NSD2: variants seen among roughly 807,000 people sequenced by gnomAD.
NSD2 encodes histone-lysine N-methyltransferase NSD2.
Under a neutral mutation model 139.0 loss-of-function variants are expected in NSD2, and 12 were observed. The observed-to-expected ratio is 0.09, with a 90% CI of 0.06 to 0.14. NSD2 has a LOEUF of 0.14. Ranked by LOEUF, NSD2 falls within the 10% of genes least tolerant of loss-of-function variation. NSD2 has a pLI of 1.00. For missense variants in NSD2, 1,155 were observed against 1,745.0 expected (o/e 0.66, Z 6.02); for synonymous variants, 669 against 648.7 (o/e 1.03, Z -0.48).
At chr4:1,971,190 C>T (rs944207155) in intron 18 of NSD2, among the ~76,000 whole-genome samples, 1 of 151,980 alleles carries the variant, frequency 6.6e-6, no homozygotes, top group Non-Finnish European at 1.5e-5. Flanking sequence ...GAGACCCTGT[C>T]TCAATTAAAA....
intron 9 of NSD2, chr4:1,945,968 C>T: frequency 9.5e-7 from 1 of 1,050,862 alleles, no homozygotes; most frequent in Non-Finnish European, 1.1e-6. Context: ...CTTCCTCTGG[C>T]CAGGTAGACT....
At position 1,972,531 on chromosome 4, in the gene NSD2, C is replaced by G. The variant is rs148228020; in HGVS notation, c.3373-2332C>G. Among the ~76,000 whole-genome samples the G allele has an allele frequency of 6.6e-6, 1 of 152,216 alleles. No homozygotes were observed. The highest frequency in any genetic ancestry group is 2.1e-4 in the South Asian group (1 of 4,836). ...TGTTCCCCATGGCATTCCTGTGACT[C>G]CAGCGGGGCCCAAACCCAGGCGGAT... is the stretch of plus-strand genomic sequence containing the variant. On this transcript the variant is annotated intron_variant, in intron 18 of 21. Transcript: ENST00000508803. The surrounding 1 kb of genome is among the most constrained non-coding windows in gnomAD (Gnocchi z 4.0).
At chr4:1,941,260 G>A in intron 9 of NSD2, 3 of 1,057,092 alleles carry the variant, frequency 2.8e-6, no homozygotes, top group East Asian at 5.3e-5. Context: ...GCTTTAAAGA[G>A]CTTTTAATGA....
chr4:1,931,724 A>G (rs1050587764), intron 6 of NSD2, among the ~76,000 whole-genome samples: 11 of 152,166 alleles, frequency 7.2e-5, no homozygotes, highest in Admixed American at 6.5e-4. Flanking sequence ...TTCATCAGCT[A>G]TCTCATTAAT....
rs1352253904 is a variant in NSD2 at position 1,958,420 on chromosome 4, C to G, written c.2985+384C>G. 6.6e-6 allele frequency among the ~76,000 whole-genome samples: 1 copy of G among 152,214 alleles called. No homozygotes were observed. The highest frequency in any genetic ancestry group is 1.5e-5 in the Non-Finnish European group (1 of 68,030). ...GAGCCCCAAACACGTAGATCCTGTA[C>G]CTCAGAGAGCAAGATGGCGGGGCGG... On this transcript the variant is annotated intron_variant, in intron 16 of 21. Transcript: ENST00000508803. This position sits in a 1 kb window ranked among gnomAD's most constrained non-coding sequence, Gnocchi z 4.6.
intron 1 of NSD2, among the ~76,000 whole-genome samples, chr4:1,890,234 G>C (rs1419582399): frequency 1.3e-5 from 2 of 152,056 alleles, no homozygotes; most frequent in Non-Finnish European, 2.9e-5. Flanking sequence ...CAGTTGGGTT[G>C]CTTTTTGCTA....
In NSD2 at chr4:1,955,488, C is replaced by A. The variant is rs1289558211; in HGVS notation, c.2518+148C>A. The A allele has an allele frequency of 1.6e-6, 2 of 1,247,662 alleles. No homozygotes were observed. The allele number at this position is 1,247,662 out of a possible 1,614,324, so 77.3% of individuals were successfully genotyped here. ...ACGTTAATAGTATATCACAGTAGCT[C>A]TAAATTAATTGTAATCATTTCGCAA... On this transcript the variant is annotated intron_variant, in intron 13 of 21. Coordinates refer to ENST00000508803, the MANE Select transcript of NSD2 (RefSeq NM_001042424.3). This position sits in a 1 kb window ranked among gnomAD's most constrained non-coding sequence, Gnocchi z 4.7.
At chr4:1,922,165 T>C (rs997846846) in intron 5 of NSD2, among the ~76,000 whole-genome samples, 2 of 152,186 alleles carry the variant, frequency 1.3e-5, no homozygotes, top group African/African-American at 2.4e-5. Context: ...TACTAGCCAG[T>C]ATTATAAAGG....
rs892252105 is a variant in NSD2, at chr4:1,956,496, T to C, written c.2881+308T>C. 6.6e-6 allele frequency among the ~76,000 whole-genome samples: 1 copy of C among 152,206 alleles called. No individual in the cohort carries two copies. The highest frequency in any genetic ancestry group is 2.4e-5 in the African/African-American group (1 of 41,456). On this transcript the variant is annotated intron_variant, in intron 15 of 21. Transcript: ENST00000508803. The surrounding 1 kb of genome is among the most constrained non-coding windows in gnomAD (Gnocchi z 5.3). ...CTTGCCTTTATGTAAAATGCAGATC[T>C]GAAGGAAGGGTCCTGTTGTCTCGAC...
chr4:1,884,024 C>T (rs1314215914), intron 1 of NSD2, among the ~76,000 whole-genome samples: 1 of 152,236 alleles, frequency 6.6e-6, no homozygotes, highest in Non-Finnish European at 1.5e-5. Flanking sequence ...GCAGAAGCAG[C>T]ACTACCCACA....
intron 11 of NSD2, chr4:1,952,944 C>CT: frequency 7.0e-7 from 1 of 1,426,024 alleles, no homozygotes; most frequent in Non-Finnish European, 9.1e-7. Flanking sequence ...ATGGGAGTGT[C>CT]TGTCTGCCTG....
At chr4:1,876,426 C>T (rs1187407805) in intron 1 of NSD2, among the ~76,000 whole-genome samples, 1 of 152,040 alleles carries the variant, frequency 6.6e-6, no homozygotes, top group Non-Finnish European at 1.5e-5. Flanking sequence ...CACAGTTGCT[C>T]ATGCCTGTAA....
At chr4:1,888,100 AT>A (rs1715251001) in intron 1 of NSD2, among the ~76,000 whole-genome samples, 1 of 152,066 alleles carries the variant, frequency 6.6e-6, no homozygotes, top group Non-Finnish European at 1.5e-5. Context: ...ATCTTAAAAT[AT>A]GTGTGAGGCA....
At chr4:1,946,821 G>A (rs1330525166) in intron 9 of NSD2, 1 of 1,055,744 alleles carries the variant, frequency 9.5e-7, no homozygotes, top group Admixed American at 5.4e-5. Flanking sequence ...TTACAGCAGG[G>A]TGTCTCTCCA....
intron 9 of NSD2, 54 bp from the exon 10 acceptor site, chr4:1,951,018 C>T: frequency 6.2e-7 from 1 of 1,601,032 alleles, no homozygotes. Flanking sequence ...CAGGGCATGG[C>T]CACCCGCTGT....
intron 9 of NSD2, chr4:1,940,935 G>C: frequency 9.5e-7 from 1 of 1,056,974 alleles, no homozygotes; most frequent in African/African-American, 1.6e-5. Flanking sequence ...TTTTCTGCAG[G>C]GACTCAAACC....
chr4:1,977,508 G>T (rs1015973905), intron 21 of NSD2, among the ~76,000 whole-genome samples: 2 of 152,226 alleles, frequency 1.3e-5, no homozygotes, highest in South Asian at 2.1e-4. Flanking sequence ...AGGTGCGGGG[G>T]CTCATGCCTG....
chr4:1,937,181 A>G (rs915171853), intron 7 of NSD2, among the ~76,000 whole-genome samples: 10 of 152,026 alleles, frequency 6.6e-5, no homozygotes, highest in African/African-American at 2.4e-4. Context: ...ACTCCCGAGT[A>G]GCTGGGATTA....
intron 5 of NSD2, among the ~76,000 whole-genome samples, chr4:1,923,412 AG>A (rs1560657507): frequency 6.6e-6 from 1 of 152,060 alleles, no homozygotes; most frequent in Non-Finnish European, 1.5e-5. Flanking sequence ...ATTCTGAAGG[AG>A]AAGGGCAAGT....
Sources: allele counts gnomAD v4.1 joint callset (sites outside exome capture counted in the v4.1 genomes callset), GRCh38; gene constraint gnomAD v4.1.1; non-coding constraint Gnocchi (gnomAD v3.1); transcripts MANE v1.5; gene names NCBI Gene and HGNC (gene_info 2026-07-23, HGNC 2026-07-21).